The following VWF variants were observed in gnomAD, a reference collection of about 807,000 sequenced individuals.
VWF encodes the protein von Willebrand factor.
Under a neutral mutation model 308.6 loss-of-function variants are expected in VWF, and 176 were observed. The observed-to-expected ratio is 0.57, with a 90% CI of 0.50 to 0.65. The LOEUF (loss-of-function observed/expected upper bound fraction) is 0.65. Among genes scored for constraint, VWF ranks in the 30% least tolerant of loss-of-function variants. The pLI, the probability that VWF is intolerant of heterozygous loss-of-function variation, is 0.00. For synonymous variants in VWF, 1,385 were observed against 1,443.4 expected (o/e 0.96, Z 0.92); for missense variants, 3,146 against 3,648.2 (o/e 0.86, Z 3.55).
intron 34 of VWF, among the ~76,000 whole-genome samples, chr12:6,003,492 G>C (rs1415894650): frequency 6.6e-6 from 1 of 151,334 alleles, no homozygotes; most frequent in African/African-American, 2.4e-5. Flanking sequence ...AAAGGAAACG[G>C]GAGTTAAAAT....
chr12:5,984,912 TCCAG>T, intron 40 of VWF, 129 bp downstream of exon 40: 1 of 913,748 alleles, frequency 1.1e-6, no homozygotes, highest in Admixed American at 1.9e-5. Context: ...TTTTGGAGTA[TCCAG>T]TCGGTCCTTA....
chr12:6,071,709 T>G (rs186457158), intron 9 of VWF, among the ~76,000 whole-genome samples: 1 of 152,156 alleles, frequency 6.6e-6, no homozygotes, highest in Non-Finnish European at 1.5e-5. Context: ...AGCCCAGAAG[T>G]GTGGTGGGCG....
At chr12:6,095,208 A>T in intron 6 of VWF, 1 of 527,544 alleles carries the variant, frequency 1.9e-6, no homozygotes, top group Non-Finnish European at 3.4e-6. Flanking sequence ...AAAATTACCC[A>T]GTCTCAGGCA....
rs1400540136 is a variant in VWF at position 6,095,235 on chromosome 12, A to G, written c.657+225T>C. ...TCTCAGGCATTTGTTATAGCAGCACAAATGGACTGAGACACTACACCAAGT... is the reference window on the plus strand; with the variant it reads ...TCTCAGGCATTTGTTATAGCAGCACGAATGGACTGAGACACTACACCAAGT... On this transcript the variant is annotated intron_variant, in intron 6 of 51. Transcript: ENST00000261405. 1.3e-5 allele frequency: 8 copies of G among 622,268 alleles called. No individual in the cohort carries two copies. In the East Asian group the frequency reaches 2.1e-4, roughly 17 times the overall value. 38.5% of individuals were successfully genotyped at this position (622,268 alleles called of 1,614,324 possible). A position where few individuals can be genotyped will look rare whatever the true frequency, so the allele number is the denominator to read the frequency against.
intron 15 of VWF, among the ~76,000 whole-genome samples, chr12:6,055,742 T>TTATA (rs138745876): frequency 2.8e-4 from 32 of 115,956 alleles, no homozygotes; most frequent in African/African-American, 6.7e-4. Context: ...ACCATCTACT[T>TTATA]TATATATATA....
intron 39 of VWF, 59 bp from the exon 40 acceptor site, chr12:5,985,178 G>C: frequency 6.4e-7 from 1 of 1,553,802 alleles, no homozygotes; most frequent in Non-Finnish European, 8.9e-7. Context: ...AGCCTCAGAG[G>C]GATTTGAAAT....
chr12:5,967,376 A>G, intron 47 of VWF, 110 bp downstream of exon 47: 1 of 935,500 alleles, frequency 1.1e-6, no homozygotes, highest in South Asian at 1.3e-5. Flanking sequence ...ATTGTTTATA[A>G]TCAGAAAATA....
intron 3 of VWF, among the ~76,000 whole-genome samples, chr12:6,120,573 G>T (rs1945418182): frequency 1.3e-5 from 2 of 152,100 alleles, no homozygotes; most frequent in African/African-American, 4.8e-5. Context: ...AAAGTACTGG[G>T]ATTACAGGCA....
chr12:5,983,689 G>C (rs895856750), intron 40 of VWF, among the ~76,000 whole-genome samples: 34 of 151,672 alleles, frequency 2.2e-4, no homozygotes, highest in African/African-American at 8.2e-4. Flanking sequence ...TAGATACATA[G>C]GTTAGATAGA....
chr12:6,070,103 G>T (rs1021686328), intron 10 of VWF, among the ~76,000 whole-genome samples: 1 of 152,232 alleles, frequency 6.6e-6, no homozygotes, highest in Non-Finnish European at 1.5e-5. Flanking sequence ...GTTAATTGCA[G>T]CAACTCATAT....
rs542975251 is a variant in VWF, at chr12:6,031,547, C to T, written c.2717G>A (p.Arg906Gln). 33 of 1,613,904 alleles carry T rather than the reference C, an allele frequency of 2.0e-5. No individual in the cohort carries two copies. In the South Asian group the frequency reaches 3.1e-4, roughly 15 times the overall value. Residue 906 changes from arginine to glutamine, a missense_variant, in exon 21 of 52, where the codon CGG becomes CAG. Physicochemically the swap from Arg to Gln is conservative, Grantham distance 43. This residue lies in a region of VWF where 1,304 missense variants were observed against 1,353.0 expected (regional missense o/e 0.96). Coordinates refer to ENST00000261405, the MANE Select transcript of VWF (RefSeq NM_000552.5). ...DYCGSNPGTF[R>Q]ILVGNKGCSH... is the part of the protein sequence containing the mutation. ...GCATCCCTTATTCCCCACTAGGATCCGAAAGGTCCCAGGGTTACTGCCGCA... is the reference window on the plus strand; with the variant it reads ...GCATCCCTTATTCCCCACTAGGATCTGAAAGGTCCCAGGGTTACTGCCGCA...
At chr12:6,021,064 T>C (rs1315225346) in intron 27 of VWF, 3 of 152,246 alleles carry the variant, frequency 2.0e-5, no homozygotes, top group Non-Finnish European at 2.9e-5. Flanking sequence ...GCTTCAATCC[T>C]TGGTTAACAG....
chr12:6,017,247 G>A (rs56311842), intron 28 of VWF, among the ~76,000 whole-genome samples: 4,323 of 152,258 alleles, frequency 0.028, 112 homozygotes, highest in African/African-American at 0.067. Context: ...GAAATGGAGC[G>A]GCAGCCCCTC....
intron 40 of VWF, among the ~76,000 whole-genome samples, chr12:5,984,458 T>C (rs1943655144): frequency 6.6e-6 from 1 of 152,268 alleles, no homozygotes; most frequent in Non-Finnish European, 1.5e-5. Flanking sequence ...CCCTTCAATA[T>C]CTGCATCACT....
At chr12:6,095,735 G>T (rs1945098966) in intron 5 of VWF, 151 bp from the exon 6 acceptor site, 2 of 1,096,262 alleles carry the variant, frequency 1.8e-6, no homozygotes, top group Non-Finnish European at 2.6e-6. Context: ...AGGCTGGAGT[G>T]CAGCGGCTAT....
intron 2 of VWF, 37 bp downstream of exon 2, chr12:6,123,105 G>C (rs765968279): frequency 1.2e-5 from 20 of 1,613,472 alleles, no homozygotes; most frequent in Non-Finnish European, 1.5e-5. Context: ...GATGGCCCTG[G>C]GGCAGGAATG....
intron 34 of VWF, among the ~76,000 whole-genome samples, chr12:6,010,572 T>C (rs960977200): frequency 2.0e-5 from 3 of 152,236 alleles, no homozygotes; most frequent in African/African-American, 4.8e-5. Flanking sequence ...GGTTTACTCA[T>C]TGCAGCATTG....
At position 6,063,016 on chromosome 12, in the gene VWF, G is replaced by A. The variant is rs372904370; in HGVS notation, c.1471C>T (p.Arg491Cys). 5.0e-6 allele frequency: 8 copies of A among 1,613,536 alleles called. No homozygotes were observed. The highest frequency in any genetic ancestry group is 6.8e-6 in the Non-Finnish European group (8 of 1,180,032). The stretch of plus-strand genomic sequence containing the variant: ...TGCAGGTCCTCCCCGTAGCTGAGGC[G>A]CACGGAGGCCGTCACTGTATGCTGG... ...RIQHTVTASV[R>C]LSYGEDLQMD... Residue 491 changes from arginine (R) to cysteine (C), a missense_variant, in exon 13 of 52, where the codon CGC (arginine) becomes TGC (cysteine). By Grantham distance (180) the Arg-to-Cys change is radical. Around this residue, in one of 3 missense-constraint regions of VWF, gnomAD observed 1,304 missense variants for 1,353.0 expected, o/e 0.96. Coordinates refer to ENST00000261405, the MANE Select transcript of VWF (RefSeq NM_000552.5). The surrounding 1 kb of genome is among the most constrained non-coding windows in gnomAD (Gnocchi z 4.9).
chr12:6,122,647 G>A (rs1043167820), intron 2 of VWF: 1 of 428,266 alleles, frequency 2.3e-6, no homozygotes, highest in African/African-American at 2.0e-5. Flanking sequence ...TGCAGACCCA[G>A]AATCTTAGCA....
Sources: gnomAD v4.1 joint callset for allele counts (sites outside exome capture counted in the v4.1 genomes callset) on GRCh38, gnomAD v4.1.1 for gene constraint, gnomAD v4.1.1 regional missense constraint, Gnocchi (gnomAD v3.1) non-coding constraint, MANE v1.5 for transcripts, NCBI Gene and HGNC (gene_info 2026-07-23, HGNC 2026-07-21) for gene names.